Variants in DCTN6 observed in about 807,000 individuals in gnomAD.
DCTN6 encodes the protein dynactin subunit 6.
Under a neutral mutation model 25.8 loss-of-function variants are expected in DCTN6, and 15 were observed. The ratio of observed to expected loss-of-function variants is 0.58; its 90% confidence interval spans 0.39 to 0.89. DCTN6 has a LOEUF of 0.89. Ranked by LOEUF, DCTN6 falls within the 40% of genes least tolerant of loss-of-function variation. The pLI is 0.00. For synonymous variants in DCTN6, 64 were observed against 78.3 expected (o/e 0.82, Z 0.96); for missense variants, 198 against 237.6 (o/e 0.83, Z 1.09).
chr8:30,177,059 G>A (rs1056856831), intron 3 of DCTN6, 67 bp from the exon 4 acceptor site: 84 of 1,322,928 alleles, frequency 6.3e-5, no homozygotes, highest in African/African-American at 2.3e-4. Context: ...ACCCAAATTC[G>A]AAAATGGGAA....
chr8:30,182,979 G>A (rs2117603612), intron 6 of DCTN6, 96 bp from the exon 7 acceptor site: 4 of 948,716 alleles, frequency 4.2e-6, no homozygotes, highest in South Asian at 2.8e-5. Context: ...CTCCCAAAGT[G>A]CTGAGATTAC....
rs779332192 is a variant in DCTN6, at chr8:30,179,480, G to A, written c.331+25G>A. The A allele has an allele frequency of 3.1e-6, 5 of 1,596,552 alleles. No homozygotes were observed. The Admixed American group carries it at 6.8e-5, about 22-fold the overall frequency. ...GGTAAGCTACATTCAGAGTTTCATT[G>A]TCAAAGCAGTGACCTCTTTTCTCTT... On this transcript the variant is annotated intron_variant, in intron 5 of 6. Coordinates refer to ENST00000221114, the MANE Select transcript of DCTN6 (RefSeq NM_006571.4).
intron 2 of DCTN6, among the ~76,000 whole-genome samples, chr8:30,174,606 C>A (rs182525099): frequency 5.1e-4 from 78 of 152,176 alleles, no homozygotes; most frequent in Non-Finnish European, 8.7e-4. Flanking sequence ...CATTTCTTCT[C>A]AATTATGTAA....
At chr8:30,158,691 A>G (rs1445672756) in intron 1 of DCTN6, among the ~76,000 whole-genome samples, 3 of 136,560 alleles carry the variant, frequency 2.2e-5, no homozygotes, top group African/African-American at 8.0e-5. Flanking sequence ...CTGTTATTTC[A>G]GTAGATTGAC....
At chr8:30,183,025 C>T (rs763414787) in intron 6 of DCTN6, 50 bp from the exon 7 acceptor site, 2 of 1,538,070 alleles carry the variant, frequency 1.3e-6, no homozygotes, top group Non-Finnish European at 1.8e-6. Flanking sequence ...CTGTGTGGTA[C>T]TCTTGACTTT....
intron 1 of DCTN6, among the ~76,000 whole-genome samples, chr8:30,158,496 C>A (rs1324560124): frequency 2.0e-5 from 3 of 152,072 alleles, no homozygotes; most frequent in Non-Finnish European, 4.4e-5. Context: ...AGAAAACTTT[C>A]AACTAGAAGA....
At chr8:30,177,099 T>C in intron 3 of DCTN6, 27 bp from the exon 4 acceptor site, 1 of 1,573,986 alleles carries the variant, frequency 6.4e-7, no homozygotes, top group Non-Finnish European at 8.7e-7. Flanking sequence ...ATTGACTTTT[T>C]GGATGATTTG....
intron 5 of DCTN6, among the ~76,000 whole-genome samples, chr8:30,180,230 G>C (rs1319964338): frequency 1.3e-5 from 2 of 152,010 alleles, no homozygotes; most frequent in Non-Finnish European, 2.9e-5. Flanking sequence ...TTGTTTTATA[G>C]ATGAACTTGA....
intron 2 of DCTN6, among the ~76,000 whole-genome samples, chr8:30,171,972 A>G (rs558435910): frequency 7.4e-4 from 112 of 152,276 alleles, no homozygotes; most frequent in African/African-American, 2.6e-3. Flanking sequence ...CTCTCTAGAC[A>G]AGGGGGGTGG....
intron 1 of DCTN6, 86 bp from the exon 2 acceptor site, chr8:30,164,025 C>G: frequency 8.0e-7 from 1 of 1,247,036 alleles, no homozygotes; most frequent in Non-Finnish European, 1.2e-6. Flanking sequence ...TTTTTTAAAC[C>G]TTGTTTTCAT....
intron 2 of DCTN6, among the ~76,000 whole-genome samples, chr8:30,172,174 A>G (rs969239961): frequency 1.3e-4 from 20 of 152,332 alleles, no homozygotes; most frequent in African/African-American, 4.6e-4. Context: ...GTTTAGGATC[A>G]CAGCCCCGAA....
chr8:30,158,154 C>T (rs1175543880), intron 1 of DCTN6, among the ~76,000 whole-genome samples: 4 of 152,264 alleles, frequency 2.6e-5, no homozygotes, highest in Admixed American at 2.0e-4. Flanking sequence ...TGGGATCTCT[C>T]CCTTGGGCGT....
chr8:30,171,887 T>C (rs1287837033), intron 2 of DCTN6, among the ~76,000 whole-genome samples: 3 of 152,204 alleles, frequency 2.0e-5, no homozygotes, highest in Non-Finnish European at 4.4e-5. Flanking sequence ...ACAGATCTCT[T>C]CTTTCTGTAG....
rs1161288961 is a variant in DCTN6, at chr8:30,177,831, A to C, written c.283+617A>C. Among the ~76,000 whole-genome samples the C allele has an allele frequency of 2.0e-5, 3 of 152,382 alleles. No individual in the cohort carries two copies. In the East Asian group the frequency reaches 5.8e-4, roughly 29 times the overall value. On this transcript the variant is annotated intron_variant, in intron 4 of 6. Transcript: ENST00000221114. Reference sequence around the variant, plus strand: ...CTTCTGTTCCTGTAAATAAGTCAATAGAGTAAAATAAGTATGCCGTTTTTA... The same window carrying C: ...CTTCTGTTCCTGTAAATAAGTCAATCGAGTAAAATAAGTATGCCGTTTTTA...
intron 6 of DCTN6, among the ~76,000 whole-genome samples, chr8:30,182,413 C>T (rs761258245): frequency 2.0e-5 from 3 of 151,992 alleles, no homozygotes; most frequent in Non-Finnish European, 4.4e-5. Context: ...CTGTAGGTCA[C>T]GTGGAAAACA....
intron 3 of DCTN6, among the ~76,000 whole-genome samples, chr8:30,175,599 C>A (rs1336647947): frequency 2.0e-5 from 3 of 151,298 alleles, no homozygotes; most frequent in African/African-American, 7.3e-5. Flanking sequence ...GAATTTAACT[C>A]AAATATATTT....
chr8:30,180,869 A>C (rs1803903212), intron 6 of DCTN6: 2 of 533,334 alleles, frequency 3.8e-6, no homozygotes, highest in Non-Finnish European at 6.6e-6. Context: ...CTGTCTCTAC[A>C]AACACTAGAA....
At position 30,174,996 on chromosome 8, in the gene DCTN6, A is replaced by G. The variant is rs1281128167; in HGVS notation, c.89-89A>G. 7 of 1,231,776 alleles carry G rather than the reference A, an allele frequency of 5.7e-6. No individual in the cohort carries two copies. The East Asian group carries it at 1.8e-4, about 31-fold the overall frequency. The allele number at this position is 1,231,776 out of a possible 1,614,324, so 76.3% of individuals were successfully genotyped here. The stretch of plus-strand genomic sequence containing the variant: ...CACATACTTAGAAAATGTTCCTCCC[A>G]ACAGCCTCACCCATCCTCAGTCACC... On this transcript the variant is annotated intron_variant, in intron 2 of 6. Transcript: ENST00000221114.
chr8:30,181,528 A>G (rs1269763934), intron 6 of DCTN6, among the ~76,000 whole-genome samples: 1 of 152,224 alleles, frequency 6.6e-6, no homozygotes, highest in African/African-American at 2.4e-5. Flanking sequence ...TCCTTTGGAC[A>G]TAAGACATTT....
Sources: allele counts gnomAD v4.1 joint callset (sites outside exome capture counted in the v4.1 genomes callset), GRCh38; gene constraint gnomAD v4.1.1; transcripts MANE v1.5; gene names NCBI Gene and HGNC (gene_info 2026-07-23, HGNC 2026-07-21).